Variants in RNF11 observed in about 807,000 individuals in gnomAD.
The protein encoded by RNF11 is ring finger protein 11.
Under a neutral mutation model 15.8 loss-of-function variants are expected in RNF11, and 4 were observed. The observed-to-expected ratio is 0.25, with a 90% CI of 0.12 to 0.58. The LOEUF is 0.58. Ranked by LOEUF, RNF11 falls within the 20% of genes least tolerant of loss-of-function variation. The pLI is 0.91. For missense variants in RNF11, 139 were observed against 194.4 expected, an observed-to-expected ratio of 0.71 and a Z score of 1.70; for synonymous variants, 68 against 72.3, an observed-to-expected ratio of 0.94 and a Z score of 0.30.
chr1:51,251,156 C>G, intron 1 of RNF11: 3 of 1,540,290 alleles, frequency 1.9e-6, no homozygotes, highest in Non-Finnish European at 2.6e-6. Flanking sequence ...CTGGCATAAT[C>G]TTCAAAACCT....
chr1:51,252,656 G>A (rs1452845676), intron 1 of RNF11, among the ~76,000 whole-genome samples: 1 of 152,016 alleles, frequency 6.6e-6, no homozygotes, highest in Non-Finnish European at 1.5e-5. Context: ...GACTGCACTG[G>A]GGGTTGAGAC....
At chr1:51,247,019 C>T (rs1289744047) in intron 1 of RNF11, among the ~76,000 whole-genome samples, 1 of 148,318 alleles carries the variant, frequency 6.7e-6, no homozygotes, top group African/African-American at 2.5e-5. Context: ...AGGCTGTAAA[C>T]AGTTGATTCC....
chr1:51,271,067 A>G, intron 2 of RNF11, 84 bp from the exon 3 acceptor site: 1 of 1,144,214 alleles, frequency 8.7e-7, no homozygotes, highest in Non-Finnish European at 1.3e-6. Context: ...TCAGATTAAC[A>G]CTGTCTTTAA....
chr1:51,257,094 A>G (rs1051900416), intron 1 of RNF11, among the ~76,000 whole-genome samples: 4 of 152,140 alleles, frequency 2.6e-5, no homozygotes, highest in African/African-American at 9.7e-5. Context: ...TGTGTGTGGT[A>G]TTTTTTGTTT....
At chr1:51,266,429 GTTTTTC>G (rs889867099) in intron 1 of RNF11, among the ~76,000 whole-genome samples, 2 of 151,442 alleles carry the variant, frequency 1.3e-5, no homozygotes, top group Non-Finnish European at 1.5e-5. Flanking sequence ...TGAGACAGCA[GTTTTTC>G]TTTTTCTTAT....
At chr1:51,236,936 G>C in intron 1 of RNF11, 57 bp downstream of exon 1, 1 of 1,547,360 alleles carries the variant, frequency 6.5e-7, no homozygotes, top group Non-Finnish European at 8.7e-7. Context: ...CGGAGATTGA[G>C]GGGGCTTCGG....
intron 1 of RNF11, chr1:51,250,959 A>G (rs919997502): frequency 2.5e-5 from 33 of 1,316,686 alleles, no homozygotes; most frequent in Admixed American, 5.7e-5. Flanking sequence ...GGGCTTGCCA[A>G]TCTTGTTCCC....
intron 1 of RNF11, among the ~76,000 whole-genome samples, chr1:51,264,259 CAAAAAAAAAA>C (rs1158509807): frequency 3.9e-4 from 10 of 25,514 alleles, no homozygotes; most frequent in African/African-American, 1.2e-3. Context: ...GACCCTATCT[CAAAAAAAAAA>C]AAAAAAAAAA....
At chr1:51,252,805 T>G (rs201629582) in intron 1 of RNF11, among the ~76,000 whole-genome samples, 2 of 143,942 alleles carry the variant, frequency 1.4e-5, no homozygotes, top group Admixed American at 6.9e-5. Context: ...TTTGTCCAGT[T>G]TGTGTGTGTG....
At chr1:51,241,042 C>A (rs1646826853) in intron 1 of RNF11, among the ~76,000 whole-genome samples, 1 of 152,030 alleles carries the variant, frequency 6.6e-6, no homozygotes, top group African/African-American at 2.4e-5. Context: ...GTCTCAAACT[C>A]CTGACTTCAG....
chr1:51,252,072 A>T (rs557036476), intron 1 of RNF11, among the ~76,000 whole-genome samples: 13 of 140,382 alleles, frequency 9.3e-5, no homozygotes, highest in Non-Finnish European at 1.8e-4. Flanking sequence ...GCAAGACTCC[A>T]TCTCAAAGCA....
At chr1:51,245,079 G>A (rs980891907) in intron 1 of RNF11, among the ~76,000 whole-genome samples, 28 of 152,074 alleles carry the variant, frequency 1.8e-4, no homozygotes, top group African/African-American at 6.8e-4. Flanking sequence ...TTCTTTCTTT[G>A]AGACATAATC....
intron 1 of RNF11, among the ~76,000 whole-genome samples, chr1:51,264,287 A>AAAAAAAT (rs1557682286): frequency 6.1e-5 from 2 of 32,532 alleles, no homozygotes; most frequent in Non-Finnish European, 1.1e-4. Context: ...AAAAAAAAAA[A>AAAAAAAT]ATATATATAT....
At chr1:51,252,036 C>T (rs1321926994) in intron 1 of RNF11, among the ~76,000 whole-genome samples, 2 of 142,030 alleles carry the variant, frequency 1.4e-5, no homozygotes, top group African/African-American at 2.7e-5. Context: ...AAGATCATGC[C>T]ACTGCACTCC....
chr1:51,258,452 C>T (rs529293033), intron 1 of RNF11, among the ~76,000 whole-genome samples: 16 of 152,166 alleles, frequency 1.1e-4, no homozygotes, highest in African/African-American at 3.9e-4. Flanking sequence ...GTCACAGGAG[C>T]CTCTAGGAGT....
chr1:51,241,043 C>G (rs1040931938), intron 1 of RNF11, among the ~76,000 whole-genome samples: 6 of 152,322 alleles, frequency 3.9e-5, no homozygotes, highest in African/African-American at 1.4e-4. Context: ...TCTCAAACTC[C>G]TGACTTCAGG....
At chr1:51,257,550 G>A (rs1473589818) in intron 1 of RNF11, among the ~76,000 whole-genome samples, 6 of 152,032 alleles carry the variant, frequency 3.9e-5, no homozygotes, top group Admixed American at 6.6e-5. Context: ...TGCCCCCTCC[G>A]ATTCAAGCTA....
At chr1:51,251,270 C>T in intron 1 of RNF11, 1 of 1,355,530 alleles carries the variant, frequency 7.4e-7, no homozygotes, top group South Asian at 1.2e-5. Context: ...TCATGTCCTT[C>T]ACCAAGCAGC....
At chr1:51,257,619 G>T (rs550172754) in intron 1 of RNF11, among the ~76,000 whole-genome samples, 2 of 151,304 alleles carry the variant, frequency 1.3e-5, no homozygotes, top group African/African-American at 4.9e-5. Flanking sequence ...CACCATGCCC[G>T]ACTAATTTTT....
Sources: allele counts gnomAD v4.1 joint callset (sites outside exome capture counted in the v4.1 genomes callset), GRCh38; gene constraint gnomAD v4.1.1; transcripts MANE v1.5; gene names NCBI Gene and HGNC (gene_info 2026-07-23, HGNC 2026-07-21).